The following VPS13B variants were observed in gnomAD, a reference collection of about 807,000 sequenced individuals.
VPS13B encodes the protein intermembrane lipid transfer protein VPS13B.
VPS13B carries 285 observed loss-of-function variants against 426.4 expected under a neutral mutation model. That is an observed-to-expected ratio of 0.67 (90% CI 0.61 to 0.74). VPS13B has a LOEUF of 0.74. Ranked by LOEUF, VPS13B falls within the 30% of genes least tolerant of loss-of-function variation. The pLI is 0.00. For synonymous variants in VPS13B, 1,676 were observed against 1,676.4 expected, an observed-to-expected ratio of 1.00 and a Z score of 0.01; for missense variants, 4,537 against 4,782.6, an observed-to-expected ratio of 0.95 and a Z score of 1.51.
chr8:99,843,825 CTT>C (rs1415001529), intron 54 of VPS13B, among the ~76,000 whole-genome samples: 1 of 152,156 alleles, frequency 6.6e-6, no homozygotes, highest in Non-Finnish European at 1.5e-5. Context: ...ATCACAGTCT[CTT>C]TTACTCCAGG....
In VPS13B at chr8:99,186,994, A is replaced by G. The variant is rs568005080; in HGVS notation, c.2334-5882A>G. On this transcript the variant is annotated intron_variant, in intron 16 of 61. Transcript: ENST00000357162. ...GTAGCTGAATTTATTATGAAATAGT[A>G]AAGACCTGCTTGTAAAAAAAATGAA... Among the ~76,000 whole-genome samples the G allele has an allele frequency of 1.8e-3, 275 of 152,308 alleles. 1 individual carries two copies. The highest frequency in any genetic ancestry group is 6.3e-3 in the African/African-American group (261 of 41,568).
intron 3 of VPS13B, among the ~76,000 whole-genome samples, chr8:99,065,004 A>G (rs375965234): frequency 1.6e-3 from 237 of 152,322 alleles, no homozygotes; most frequent in African/African-American, 5.3e-3. Context: ...TATCCAGCCA[A>G]ACTAAGCTTG....
At chr8:99,778,575 A>G (rs1811856789) in intron 41 of VPS13B, 107 bp from the exon 42 acceptor site, 2 of 999,542 alleles carry the variant, frequency 2.0e-6, no homozygotes, top group Non-Finnish European at 3.1e-6. Context: ...ACCAAAAACT[A>G]ATTTCAATAA....
In VPS13B at chr8:99,835,223, A is replaced by G; in HGVS notation, c.9641A>G (p.His3214Arg). Residue 3214 changes from histidine to arginine, a missense_variant, in exon 53 of 62, where the codon CAC (histidine) becomes CGC (arginine). His to Arg is a conservative substitution (Grantham distance 29). Transcript: ENST00000357162. ...GCTATAGTGCTGACATATCAAGAAC[A>G]CCTCGGAGTGACTTATTTAACCCTC... ...TRAIVLTYQE[H>R]LGVTYLTLSE... 6.2e-7 allele frequency: 1 copy of G among 1,613,984 alleles called. No homozygotes were observed. Among genetic ancestry groups the G allele is most frequent in the African/African-American group, 1.3e-5 (1 of 75,014 alleles).
rs1348780988 is a variant in VPS13B, at chr8:99,158,769, C to T, written c.2208+2026C>T. ...ACTCCTCTCAAAATATTAGCGCTCA[C>T]GGACAATGCTCCTGGTCACCCTACA... On this transcript the variant is annotated intron_variant, in intron 15 of 61. Coordinates refer to ENST00000357162, the MANE Select transcript of VPS13B (RefSeq NM_152564.5). Among the ~76,000 whole-genome samples the T allele has an allele frequency of 2.0e-5, 3 of 152,200 alleles. No homozygotes were observed. The East Asian group carries it at 5.8e-4, about 29-fold the overall frequency.
At chr8:99,320,887 A>G (rs986649720) in intron 19 of VPS13B, among the ~76,000 whole-genome samples, 2 of 152,202 alleles carry the variant, frequency 1.3e-5, no homozygotes, top group African/African-American at 4.8e-5. Context: ...AGGCATTGCT[A>G]CTTTGGCAAA....
intron 25 of VPS13B, among the ~76,000 whole-genome samples, chr8:99,490,766 A>G (rs1790410799): frequency 6.6e-6 from 1 of 151,570 alleles, no homozygotes; most frequent in African/African-American, 2.4e-5. Flanking sequence ...ATTATTTTTT[A>G]TTGTGTCTAT....
At chr8:99,582,720 A>G (rs1018262886) in intron 33 of VPS13B, among the ~76,000 whole-genome samples, 1 of 151,960 alleles carries the variant, frequency 6.6e-6, no homozygotes, top group Non-Finnish European at 1.5e-5. Context: ...CAGTGGCGCA[A>G]TCTCGGCTCA....
chr8:99,306,578 C>A (rs1820647946), intron 19 of VPS13B, among the ~76,000 whole-genome samples: 1 of 151,988 alleles, frequency 6.6e-6, no homozygotes, highest in African/African-American at 2.4e-5. Flanking sequence ...TAGGTCTTAA[C>A]AAAATGCAAG....
intron 21 of VPS13B, 115 bp downstream of exon 21, chr8:99,391,819 CAAAGAACTTT>C: frequency 7.4e-7 from 1 of 1,348,566 alleles, no homozygotes; most frequent in Non-Finnish European, 1.0e-6. Context: ...TGAGTGGAGA[CAAAGAACTTT>C]ATTATCCACA....
At chr8:99,861,749 G>A in intron 57 of VPS13B, 27 bp from the exon 58 acceptor site, 1 of 1,579,006 alleles carries the variant, frequency 6.3e-7, no homozygotes, top group South Asian at 1.2e-5. Context: ...CGACAAGGAG[G>A]CTAACCCCAT....
Position 99,416,724 on chromosome 8 carries a change from C to T in VPS13B, c.3083-14813C>T, listed in dbSNP as rs139018300. 3.6e-3 allele frequency among the ~76,000 whole-genome samples: 542 copies of T among 152,230 alleles called. 3 individuals carry two copies. The highest frequency in any genetic ancestry group is 0.012 in the African/African-American group (501 of 41,558). On this transcript the variant is annotated intron_variant, in intron 21 of 61. Coordinates refer to ENST00000357162, the MANE Select transcript of VPS13B (RefSeq NM_152564.5). ...AGTGAGGCGATGCCCCACCTTGCTT[C>T]GGCTCACCCTCCCTGGGCTGCATCC...
intron 22 of VPS13B, among the ~76,000 whole-genome samples, chr8:99,436,930 G>A (rs1057231389): frequency 2.6e-5 from 4 of 151,954 alleles, no homozygotes; most frequent in Admixed American, 6.6e-5. Context: ...TAGTAGAGAC[G>A]GAGTTTCACC....
chr8:99,103,204 G>A, intron 5 of VPS13B, 84 bp downstream of exon 5: 1 of 1,489,034 alleles, frequency 6.7e-7, no homozygotes, highest in East Asian at 2.3e-5. Context: ...GGCCAACTGA[G>A]TTGCTGGTAA....
At chr8:99,575,606 A>T in intron 31 of VPS13B, 52 bp from the exon 32 acceptor site, 1 of 1,609,484 alleles carries the variant, frequency 6.2e-7, no homozygotes, top group Non-Finnish European at 8.5e-7. Flanking sequence ...TTTAATGAAA[A>T]TTGTCTTTGA....
chr8:99,430,481 A>T (rs1305299358), intron 21 of VPS13B, among the ~76,000 whole-genome samples: 2 of 152,192 alleles, frequency 1.3e-5, no homozygotes, highest in Non-Finnish European at 2.9e-5. Context: ...ATCCAGTTTT[A>T]AATGAAACTG....
chr8:99,507,707 T>C (rs1821572983), intron 28 of VPS13B: 1 of 1,610,234 alleles, frequency 6.2e-7, no homozygotes, highest in Non-Finnish European at 8.5e-7. Context: ...AGATATTTTT[T>C]TGCTTATGGC....
At chr8:99,865,458 A>G (rs897371848) in intron 58 of VPS13B, among the ~76,000 whole-genome samples, 12 of 152,204 alleles carry the variant, frequency 7.9e-5, no homozygotes, top group African/African-American at 2.9e-4. Flanking sequence ...ACTCTTGGCT[A>G]TGCCATCTGG....
At chr8:99,489,464 A>G (rs1820481439) in intron 25 of VPS13B, among the ~76,000 whole-genome samples, 2 of 151,584 alleles carry the variant, frequency 1.3e-5, no homozygotes, top group South Asian at 4.2e-4. Flanking sequence ...CTTGATGGGG[A>G]TGGCATTGAA....
Sources: allele counts gnomAD v4.1 joint callset (sites outside exome capture counted in the v4.1 genomes callset), GRCh38; gene constraint gnomAD v4.1.1; transcripts MANE v1.5; gene names NCBI Gene and HGNC (gene_info 2026-07-23, HGNC 2026-07-21).